The following SULF1 variants were observed in gnomAD, a reference collection of about 807,000 sequenced individuals.
SULF1 encodes the protein extracellular sulfatase Sulf-1.
In SULF1, 46 loss-of-function variants were observed where a neutral mutation model predicts 110.5. The ratio of observed to expected loss-of-function variants is 0.42; its 90% CI spans 0.33 to 0.53. The LOEUF is 0.53. Ranked by LOEUF, SULF1 falls within the 20% of genes least tolerant of loss-of-function variation. SULF1 has a pLI of 0.12. For synonymous variants in SULF1, 371 were observed against 387.1 expected (o/e 0.96, Z 0.49); for missense variants, 941 against 1,094.2 (o/e 0.86, Z 1.98).
At chr8:69,486,536 C>G (rs556326707) in intron 1 of SULF1, among the ~76,000 whole-genome samples, 2 of 152,230 alleles carry the variant, frequency 1.3e-5, no homozygotes, top group South Asian at 4.2e-4. Flanking sequence ...AGTGCTTCTT[C>G]CCACAGTTTA....
At chr8:69,539,274 C>CT (rs973036141) in intron 3 of SULF1, among the ~76,000 whole-genome samples, 3 of 151,980 alleles carry the variant, frequency 2.0e-5, no homozygotes, top group African/African-American at 7.2e-5. Flanking sequence ...CAACTTTTTA[C>CT]TTTTTTTTAG....
In SULF1 at chr8:69,600,741, T is replaced by C. The variant is rs761645461; in HGVS notation, c.873T>C (p.Asp291=). Residue 291 remains aspartate, a synonymous_variant, in exon 9 of 23, where the codon GAT becomes GAC. Coordinates refer to ENST00000402687, the MANE Select transcript of SULF1 (RefSeq NM_001128205.2). ...KRLQTLMSVD[D]SVERLYNMLV... Reference sequence around the variant, plus strand: ...TCCAGACTTTGATGTCAGTGGATGATTCTGTGGAGAGGGTAAGCACATGAA... The same window carrying C: ...TCCAGACTTTGATGTCAGTGGATGACTCTGTGGAGAGGGTAAGCACATGAA... 11 of 1,613,926 alleles carry C rather than the reference T, an allele frequency of 6.8e-6. No homozygotes were observed. Among genetic ancestry groups the C allele is most frequent in the South Asian group, 1.1e-5 (1 of 91,032 alleles).
At chr8:69,518,982 A>G (rs1360305435) in intron 3 of SULF1, among the ~76,000 whole-genome samples, 3 of 152,152 alleles carry the variant, frequency 2.0e-5, no homozygotes, top group Non-Finnish European at 4.4e-5. Context: ...CTCTGCTTAG[A>G]TTCTCCTCTC....
intron 19 of SULF1, among the ~76,000 whole-genome samples, chr8:69,632,466 C>CCATTTT: frequency 1.3e-5 from 2 of 152,082 alleles, no homozygotes; most frequent in East Asian, 3.9e-4. Context: ...ATATTTTTAT[C>CCATTTT]CATTTTCTAT....
chr8:69,557,315 T>G (rs142515747), intron 3 of SULF1, among the ~76,000 whole-genome samples: 1 of 152,382 alleles, frequency 6.6e-6, no homozygotes, highest in East Asian at 1.9e-4. Context: ...TCAGGAATAC[T>G]GAGTTCTTCT....
intron 8 of SULF1, among the ~76,000 whole-genome samples, chr8:69,598,973 A>G (rs879672831): frequency 6.6e-6 from 1 of 152,214 alleles, no homozygotes; most frequent in Admixed American, 6.5e-5. Context: ...ATTTTCTACT[A>G]TCAAAAGAGA....
At chr8:69,601,949 G>T (rs555197317) in intron 10 of SULF1, 120 bp downstream of exon 10, 119 of 1,047,642 alleles carry the variant, frequency 1.1e-4, no homozygotes, top group Admixed American at 1.4e-4. Flanking sequence ...ATGTGTGTAG[G>T]CTGGTTAATT....
chr8:69,467,022 C>G (rs1024047928), intron 1 of SULF1: 2 of 152,140 alleles, frequency 1.3e-5, no homozygotes, highest in Admixed American at 6.5e-5. Flanking sequence ...AATGCTAGCA[C>G]GGCACACTTG....
At chr8:69,654,960 G>A (rs1333187612) in intron 22 of SULF1, among the ~76,000 whole-genome samples, 4 of 152,178 alleles carry the variant, frequency 2.6e-5, no homozygotes. Flanking sequence ...TTCATCTGAA[G>A]AAATGTAACT....
chr8:69,502,410 A>T (rs1356939816), intron 3 of SULF1, among the ~76,000 whole-genome samples: 17 of 152,188 alleles, frequency 1.1e-4, no homozygotes, highest in Non-Finnish European at 1.5e-5. Flanking sequence ...TTCCTTGGCC[A>T]GATAAACATT....
intron 13 of SULF1, among the ~76,000 whole-genome samples, chr8:69,610,717 G>A (rs1468827463): frequency 6.6e-6 from 1 of 152,194 alleles, no homozygotes; most frequent in Non-Finnish European, 1.5e-5. Context: ...ATGAGAATAG[G>A]CATTTTACTC....
At chr8:69,655,307 C>A (rs1021451926) in intron 22 of SULF1, among the ~76,000 whole-genome samples, 5 of 152,176 alleles carry the variant, frequency 3.3e-5, no homozygotes, top group African/African-American at 1.2e-4. Flanking sequence ...GGCTGCAGCA[C>A]CACCCCCCAT....
At chr8:69,530,285 T>A (rs1301936642) in intron 3 of SULF1, among the ~76,000 whole-genome samples, 1 of 152,116 alleles carries the variant, frequency 6.6e-6, no homozygotes, top group Non-Finnish European at 1.5e-5. Context: ...AAAAGTAATG[T>A]CTAGGGCTAC....
intron 6 of SULF1, among the ~76,000 whole-genome samples, chr8:69,583,987 TGGAGAGAG>T (rs1168633658): frequency 5.3e-5 from 8 of 152,194 alleles, no homozygotes; most frequent in African/African-American, 1.7e-4. Flanking sequence ...AAACATTAGC[TGGAGAGAG>T]GGACGATTAA....
chr8:69,531,749 A>G (rs1249049093), intron 3 of SULF1, among the ~76,000 whole-genome samples: 1 of 152,190 alleles, frequency 6.6e-6, no homozygotes, highest in Middle Eastern at 3.2e-3. Flanking sequence ...TGTTTTTTAA[A>G]TGTAAGCACA....
intron 1 of SULF1, among the ~76,000 whole-genome samples, chr8:69,485,271 A>G (rs1457879700): frequency 6.6e-6 from 1 of 152,192 alleles, no homozygotes; most frequent in Non-Finnish European, 1.5e-5. Context: ...TTCCCACTTT[A>G]GTAATAGCAT....
In SULF1 at chr8:69,621,127, G is replaced by T; in HGVS notation, c.1470G>T (p.Arg490=). 2 of 1,614,132 alleles carry T rather than the reference G, an allele frequency of 1.2e-6. No individual in the cohort carries two copies. Among genetic ancestry groups the T allele is most frequent in the South Asian group, 1.1e-5 (1 of 91,078 alleles). Residue 490 remains arginine, a synonymous_variant, in exon 14 of 23, where the codon CGG becomes CGT. Transcript: ENST00000402687. ...SDLLTVRQST[R]NLYARGFHDK... ...TGCTCACAGTCCGGCAGAGCACGCG[G>T]AACCTCTACGCTCGCGGCTTCCATG...
intron 3 of SULF1, among the ~76,000 whole-genome samples, chr8:69,543,014 T>C (rs1813965338): frequency 6.6e-6 from 1 of 152,116 alleles, no homozygotes; most frequent in African/African-American, 2.4e-5. Flanking sequence ...AAAAACAACA[T>C]GGGACTTACT....
At chr8:69,466,903 G>A (rs550667414) in exon 1 of SULF1, 1 of 152,324 alleles carries the variant, frequency 6.6e-6, no homozygotes, top group East Asian at 1.9e-4. Context: ...TGGAGGAAAA[G>A]GAGGAATTCA....
Sources: gnomAD v4.1 joint callset for allele counts (sites outside exome capture counted in the v4.1 genomes callset) on GRCh38, gnomAD v4.1.1 for gene constraint, MANE v1.5 for transcripts, NCBI Gene and HGNC (gene_info 2026-07-23, HGNC 2026-07-21) for gene names.